KDM2B: variants seen among roughly 807,000 people sequenced by gnomAD.
The protein encoded by KDM2B is lysine demethylase 2B, also known as lysine-specific demethylase 2B.
Under a neutral mutation model 150.0 loss-of-function variants are expected in KDM2B, and 26 were observed. That is an observed-to-expected ratio of 0.17 (90% CI 0.13 to 0.24). KDM2B has a LOEUF of 0.24. Among genes scored for constraint, KDM2B ranks in the 10% least tolerant of loss-of-function variants. The pLI, the probability that KDM2B is intolerant of heterozygous loss-of-function variation, is 1.00. For synonymous variants in KDM2B, 734 were observed against 729.5 expected (o/e 1.01, Z -0.10); for missense variants, 1,265 against 1,816.9 (o/e 0.70, Z 5.52).
intron 4 of KDM2B, among the ~76,000 whole-genome samples, chr12:121,573,960 C>T (rs565197010): frequency 2.6e-5 from 4 of 152,148 alleles, no homozygotes; most frequent in Admixed American, 2.6e-4. Flanking sequence ...GCAACTCTGA[C>T]CTTGCCCACC....
At chr12:121,443,423 G>A in intron 17 of KDM2B, 1 of 585,822 alleles carries the variant, frequency 1.7e-6, no homozygotes, top group Non-Finnish European at 3.0e-6. Context: ...TGACAGCACG[G>A]CCCGTGGGTG....
chr12:121,459,167 G>A (rs1878740261), intron 12 of KDM2B, among the ~76,000 whole-genome samples: 1 of 151,820 alleles, frequency 6.6e-6, no homozygotes, highest in South Asian at 2.1e-4. Context: ...TGATGGTAGT[G>A]GCATAAAGAC....
In KDM2B at chr12:121,534,490, A is replaced by T; in HGVS notation, c.777+7T>A. ...TGCATAGAAAGTTAAAGGCAACTGA[A>T]ACTCACCTTCCCACCCCGGAAAACA... On this transcript the variant is annotated splice_region_variant and intron_variant, in intron 7 of 22. Coordinates refer to ENST00000377071, the MANE Select transcript of KDM2B (RefSeq NM_032590.5). The T allele has an allele frequency of 6.2e-7, 1 of 1,610,484 alleles. No homozygotes were observed. Among genetic ancestry groups the T allele is most frequent in the Non-Finnish European group, 8.5e-7 (1 of 1,176,750 alleles).
Position 121,513,045 on chromosome 12 carries a change from T to C in KDM2B, c.1174+231A>G, listed in dbSNP as rs972488098. ...AACCTGCATCTACACAGCCATGGGC[T>C]GGAGGCCACACACGTGACTCTTTTG... On this transcript the variant is annotated intron_variant, in intron 10 of 22. Coordinates refer to ENST00000377071, the MANE Select transcript of KDM2B (RefSeq NM_032590.5). This position sits in a 1 kb window ranked among gnomAD's most constrained non-coding sequence, Gnocchi z 5.0. 6.6e-5 allele frequency among the ~76,000 whole-genome samples: 10 copies of C among 152,380 alleles called. No individual in the cohort carries two copies. The East Asian group carries it at 1.9e-3, about 29-fold the overall frequency.
Position 121,554,718 on chromosome 12 carries a change from T to C in KDM2B, c.398-5080A>G, listed in dbSNP as rs114268218. On this transcript the variant is annotated intron_variant, in intron 4 of 22. Coordinates refer to ENST00000377071, the MANE Select transcript of KDM2B (RefSeq NM_032590.5). ...GAGCCACCGCACCCGGCCTGTAACA[T>C]ACTTTAAATTAACACTTTTATACTC... Among the ~76,000 whole-genome samples, 1,341 of 152,110 alleles carry C rather than the reference T, an allele frequency of 8.8e-3. 21 individuals carry two copies. Among genetic ancestry groups the C allele is most frequent in the African/African-American group, 0.03 (1,254 of 41,510 alleles).
At chr12:121,498,153 G>A (rs1418857934) in intron 11 of KDM2B, among the ~76,000 whole-genome samples, 2 of 152,042 alleles carry the variant, frequency 1.3e-5, no homozygotes, top group East Asian at 3.9e-4. Context: ...AAATCATTAA[G>A]AACAAATGAG....
Position 121,558,077 on chromosome 12 carries a change from T to C in KDM2B, c.398-8439A>G, listed in dbSNP as rs1890032426. 1.3e-5 allele frequency among the ~76,000 whole-genome samples: 2 copies of C among 152,224 alleles called. 1 individual carries two copies. Among genetic ancestry groups the C allele is most frequent in the Admixed American group, 1.3e-4 (2 of 15,272 alleles). On this transcript the variant is annotated intron_variant, in intron 4 of 22. Coordinates refer to ENST00000377071, the MANE Select transcript of KDM2B (RefSeq NM_032590.5). ...AATACCGTATTTCTTGGTTACTTGTTTCTTGTCTTTCCACCCTGCTGCTCT... is the reference window on the plus strand; with the variant it reads ...AATACCGTATTTCTTGGTTACTTGTCTCTTGTCTTTCCACCCTGCTGCTCT...
At chr12:121,527,038 TTAAA>T (rs1887203482) in intron 8 of KDM2B, among the ~76,000 whole-genome samples, 1 of 151,866 alleles carries the variant, frequency 6.6e-6, no homozygotes, top group African/African-American at 2.4e-5. Context: ...GTCTGAAAAA[TTAAA>T]TAAATTTCTT....
the KDM2B span, chr12:121,418,770 G>A: frequency 2.0e-5 from 3 of 152,164 alleles, no homozygotes; most frequent in African/African-American, 4.8e-5. Context: ...GCCCAGGCTA[G>A]AGTGAAGTGG....
intron 4 of KDM2B, among the ~76,000 whole-genome samples, chr12:121,556,986 C>T (rs1381357174): frequency 2.0e-5 from 3 of 151,952 alleles, no homozygotes; most frequent in East Asian, 1.9e-4. Flanking sequence ...TGACCCAGAT[C>T]GAACAGTAGA....
At chr12:121,563,159 A>C (rs1555314131) in intron 4 of KDM2B, among the ~76,000 whole-genome samples, 1 of 152,140 alleles carries the variant, frequency 6.6e-6, no homozygotes, top group African/African-American at 2.4e-5. Flanking sequence ...TCTACAAAAA[A>C]TAAAAAATAA....
Position 121,442,895 on chromosome 12 carries a change from G to T in KDM2B, c.2605-59C>A, listed in dbSNP as rs531245651. 2.1e-5 allele frequency: 33 copies of T among 1,553,216 alleles called. No individual in the cohort carries two copies. The African/African-American group carries it at 4.4e-4, about 21-fold the overall frequency. On this transcript the variant is annotated intron_variant, in intron 18 of 22. Coordinates refer to ENST00000377071, the MANE Select transcript of KDM2B (RefSeq NM_032590.5). This position sits in a 1 kb window ranked among gnomAD's most constrained non-coding sequence, Gnocchi z 7.7. The stretch of plus-strand genomic sequence containing the variant: ...GGGCTCAGGGCTGCGCCCGCCCAAG[G>T]CCTCCCGCCCCCCTGCCACGGGACT...
At chr12:121,530,898 T>C (rs1594063244) in intron 8 of KDM2B, among the ~76,000 whole-genome samples, 1 of 151,664 alleles carries the variant, frequency 6.6e-6, no homozygotes, top group Admixed American at 6.6e-5. Context: ...GAGGATGGGG[T>C]TGGGAGGGAA....
At position 121,530,343 on chromosome 12, in the gene KDM2B, C is replaced by T. The variant is rs78565273; in HGVS notation, c.931+2463G>A. Among the ~76,000 whole-genome samples the T allele has an allele frequency of 9.1e-4, 138 of 152,196 alleles. 4 individuals carry two copies. The East Asian group carries it at 0.026, about 28-fold the overall frequency. On this transcript the variant is annotated intron_variant, in intron 8 of 22. Transcript: ENST00000377071. ...AAAACTATCAAAGTTAAAGTACTAT[C>T]CTTTATTCTGACATTTTATACTTGT...
At chr12:121,527,424 G>C (rs1389049360) in intron 8 of KDM2B, among the ~76,000 whole-genome samples, 8 of 143,796 alleles carry the variant, frequency 5.6e-5, no homozygotes, top group Admixed American at 1.4e-4. Flanking sequence ...ACTTTGGGAG[G>C]CCAAGGCGGG....
rs781941377 is a variant in KDM2B at position 121,549,444 on chromosome 12, T to C, written c.576+16A>G. 19 of 1,570,514 alleles carry C rather than the reference T, an allele frequency of 1.2e-5. No individual in the cohort carries two copies. Among genetic ancestry groups the C allele is most frequent in the Non-Finnish European group, 1.7e-5 (19 of 1,151,036 alleles). On this transcript the variant is annotated intron_variant, in intron 5 of 22. Coordinates refer to ENST00000377071, the MANE Select transcript of KDM2B (RefSeq NM_032590.5). This position sits in a 1 kb window ranked among gnomAD's most constrained non-coding sequence, Gnocchi z 4.4. ...GTGGAAGGTATCTGGGGAGGGTACCTGGGCCCCGGACCTACCACAGTCGGA... is the reference window on the plus strand; with the variant it reads ...GTGGAAGGTATCTGGGGAGGGTACCCGGGCCCCGGACCTACCACAGTCGGA...
chr12:121,482,429 G>A (rs1285819359), intron 12 of KDM2B, among the ~76,000 whole-genome samples: 9 of 151,826 alleles, frequency 5.9e-5, no homozygotes, highest in East Asian at 1.9e-4. Flanking sequence ...CAGCCTCCTG[G>A]GTAGCTGGGA....
At chr12:121,408,952 A>T in the KDM2B span, among the ~76,000 whole-genome samples, 1 of 152,210 alleles carries the variant, frequency 6.6e-6, no homozygotes, top group Non-Finnish European at 1.5e-5. Flanking sequence ...GAAGAATCAG[A>T]TTGTTAAAAA....
Position 121,518,200 on chromosome 12 carries a change from C to G in KDM2B, c.1047+2785G>C, listed in dbSNP as rs1455347924. On this transcript the variant is annotated intron_variant, in intron 9 of 22. Coordinates refer to ENST00000377071, the MANE Select transcript of KDM2B (RefSeq NM_032590.5). This position sits in a 1 kb window ranked among gnomAD's most constrained non-coding sequence, Gnocchi z 4.4. ...GAGTCACCATGCCCAGCCTATAAAA[C>G]AGTATTTTTAAATGGCCATAACCTT... is the stretch of plus-strand genomic sequence containing the variant. Among the ~76,000 whole-genome samples the G allele has an allele frequency of 6.6e-6, 1 of 152,098 alleles. No homozygotes were observed. The highest frequency in any genetic ancestry group is 6.6e-5 in the Admixed American group (1 of 15,264).
Sources: gnomAD v4.1 joint callset for allele counts (sites outside exome capture counted in the v4.1 genomes callset) on GRCh38, gnomAD v4.1.1 for gene constraint, Gnocchi (gnomAD v3.1) non-coding constraint, MANE v1.5 for transcripts, NCBI Gene and HGNC (gene_info 2026-07-23, HGNC 2026-07-21) for gene names.